The following ANK3 variants were observed in gnomAD, a reference collection of about 807,000 sequenced individuals.
ANK3 encodes the protein ankyrin 3.
In ANK3, 57 loss-of-function variants were observed where a neutral mutation model predicts 370.9. The observed-to-expected ratio is 0.15, with a 90% CI of 0.12 to 0.19. The LOEUF (loss-of-function observed/expected upper bound fraction) is 0.19. Ranked by LOEUF, ANK3 falls within the 10% of genes least tolerant of loss-of-function variation. The pLI is 1.00. For missense variants in ANK3, 4,439 were observed against 5,302.1 expected (o/e 0.84, Z 5.06); for synonymous variants, 1,929 against 1,946.3 (o/e 0.99, Z 0.23).
At position 60,666,301 on chromosome 10, in the gene ANK3, AAAG is replaced by A. The variant is rs2078995078; in HGVS notation, c.58-51080_58-51078del. Among the ~76,000 whole-genome samples, 3 of 152,358 alleles carry A rather than the reference AAAG, an allele frequency of 2.0e-5. No individual in the cohort carries two copies. The East Asian group carries it at 5.8e-4, about 29-fold the overall frequency. On this transcript the variant is annotated intron_variant, in intron 1 of 43. Transcript: ENST00000373827. The stretch of plus-strand genomic sequence containing the variant: ...GTAAAGTGAAATAAGCCAGTCACAA[AAAG>A]ACAAATACTGTATGACTCCACTTAT...
chr10:60,668,962 C>T (rs949982620), intron 1 of ANK3, among the ~76,000 whole-genome samples: 1 of 151,824 alleles, frequency 6.6e-6, no homozygotes. Context: ...CACTGCACTC[C>T]AGCCTGGGTG....
At chr10:60,093,447 T>C (rs2089238731) in intron 28 of ANK3, among the ~76,000 whole-genome samples, 1 of 152,224 alleles carries the variant, frequency 6.6e-6, no homozygotes, top group Non-Finnish European at 1.5e-5. Flanking sequence ...ACAAGCTGTG[T>C]ATCCTGTGAG....
At chr10:60,153,936 C>T (rs1229337859) in intron 23 of ANK3, among the ~76,000 whole-genome samples, 1 of 152,196 alleles carries the variant, frequency 6.6e-6, no homozygotes, top group African/African-American at 2.4e-5. Context: ...ACCTGCTAAA[C>T]TATCCCTTGA....
At chr10:60,064,358 C>T in intron 38 of ANK3, 70 bp from the exon 39 acceptor site, 4 of 1,431,002 alleles carry the variant, frequency 2.8e-6, no homozygotes, top group Non-Finnish European at 3.7e-6. Context: ...AAAAGTAATG[C>T]TCAATTGCCA....
chr10:60,512,603 C>T (rs2076115352), intron 2 of ANK3, among the ~76,000 whole-genome samples: 1 of 152,092 alleles, frequency 6.6e-6, no homozygotes, highest in Admixed American at 6.6e-5. Context: ...CTATCAATTT[C>T]CTGGCTTCAG....
intron 1 of ANK3, among the ~76,000 whole-genome samples, chr10:60,307,888 G>C (rs1419086572): frequency 6.6e-6 from 1 of 152,128 alleles, no homozygotes; most frequent in Non-Finnish European, 1.5e-5. Flanking sequence ...TATATAATTT[G>C]CTCTGTTCAA....
At chr10:60,430,590 T>G (rs2063995372) in intron 2 of ANK3, among the ~76,000 whole-genome samples, 2 of 152,232 alleles carry the variant, frequency 1.3e-5, no homozygotes, top group African/African-American at 2.4e-5. Flanking sequence ...CAGAGCTGAA[T>G]GATTTGTCCC....
intron 1 of ANK3, among the ~76,000 whole-genome samples, chr10:60,338,139 A>G (rs1038758756): frequency 7.0e-4 from 107 of 152,244 alleles, no homozygotes; most frequent in African/African-American, 2.5e-3. Flanking sequence ...ACTTCTCTGC[A>G]CTCTGAGGTT....
In ANK3 at chr10:60,074,729, T is replaced by A; in HGVS notation, c.6152A>T (p.Tyr2051Phe). The A allele has an allele frequency of 6.2e-7, 1 of 1,613,942 alleles. No homozygotes were observed. Among genetic ancestry groups the A allele is most frequent in the Non-Finnish European group, 8.5e-7 (1 of 1,179,968 alleles). ...ATCCTTCTTTGCATCCTCAAACTTG[T>A]ATTTTAAGTTTGTCAGTGAACTACT... Reference protein sequence around the residue: ...IGSSSLTNLKYKFEDAKKDGE... With the variant: ...IGSSSLTNLKFKFEDAKKDGE... Residue 2051 changes from tyrosine to phenylalanine, a missense_variant, in exon 37 of 44, where the codon TAC becomes TTC. By Grantham distance (22) the Tyr-to-Phe change is conservative. This residue lies in a region of ANK3 where 679 missense variants were observed against 791.0 expected (regional missense o/e 0.86). Coordinates refer to ENST00000280772, the MANE Select transcript of ANK3 (RefSeq NM_020987.5).
intron 1 of ANK3, among the ~76,000 whole-genome samples, chr10:60,386,290 A>C (rs536180543): frequency 6.6e-6 from 1 of 152,206 alleles, no homozygotes; most frequent in East Asian, 1.9e-4. Context: ...GGGCAGTGGG[A>C]AAGTATGGCT....
chr10:60,277,392 T>C (rs920770057), intron 4 of ANK3, among the ~76,000 whole-genome samples: 9 of 152,206 alleles, frequency 5.9e-5, no homozygotes, highest in Admixed American at 5.9e-4. Flanking sequence ...GCTTATATGA[T>C]TTAATAAAAT....
intron 13 of ANK3, among the ~76,000 whole-genome samples, chr10:60,199,262 T>C (rs1392724809): frequency 2.6e-5 from 4 of 152,102 alleles, no homozygotes; most frequent in African/African-American, 9.7e-5. Context: ...TGAATTGTGA[T>C]AAGGTTCAGG....
Position 60,173,185 on chromosome 10 carries a change from A to G in ANK3, c.2186T>C (p.Met729Thr). The change falls in exon 19 of 44, where the codon ATG (methionine) becomes ACG (threonine). Residue 729 changes from methionine (M) to threonine (T), a missense_variant and splice_region_variant. Physicochemically the swap from Met to Thr is moderately conservative, Grantham distance 81. Around this residue, in one of 13 missense-constraint regions of ANK3, gnomAD observed 702 missense variants for 941.5 expected, o/e 0.75. Coordinates refer to ENST00000280772, the MANE Select transcript of ANK3 (RefSeq NM_020987.5). ...QGAHVDAQTK[M>T]GYTPLHVGCH... ...GCCCACATGCAGTGGTGTGTATCCC[A>G]TCTGTAATTATTATTTTTTTAAAAA... 6.3e-7 allele frequency: 1 copy of G among 1,599,158 alleles called. No individual in the cohort carries two copies. Among genetic ancestry groups the G allele is most frequent in the South Asian group, 1.1e-5 (1 of 88,066 alleles).
rs145255506 is a variant in ANK3, at chr10:60,282,506, GCACACA to G, written c.115-2873_115-2868del. On this transcript the variant is annotated intron_variant, in intron 1 of 43. Coordinates refer to ENST00000280772, the MANE Select transcript of ANK3 (RefSeq NM_020987.5). ...AATAAATTATCTTCCTTCAACAATTGCACACACACACACACACCAAATCTACATCTG... is the reference window on the plus strand; with the variant it reads ...AATAAATTATCTTCCTTCAACAATTGCACACACACACCAAATCTACATCTG... Among the ~76,000 whole-genome samples the G allele has an allele frequency of 4.0e-5, 6 of 150,454 alleles. No homozygotes were observed. The East Asian group carries it at 5.8e-4, about 15-fold the overall frequency.
intron 1 of ANK3, among the ~76,000 whole-genome samples, chr10:60,308,222 TAAGACA>T (rs551702271): frequency 6.6e-6 from 1 of 150,936 alleles, no homozygotes; most frequent in East Asian, 2.0e-4. Context: ...AGATAACAGA[TAAGACA>T]AAGGATAAAA....
At chr10:60,108,233 A>C (rs1372555177) in intron 27 of ANK3, 3 of 448,182 alleles carry the variant, frequency 6.7e-6, no homozygotes, top group Non-Finnish European at 1.3e-5. Flanking sequence ...GATTCGGCTA[A>C]CCAAGCTCTC....
chr10:60,108,852 G>C lies in ANK3; in HGVS notation c.3151C>G (p.Pro1051Ala). ...TACCCTAAAAATTGTGCCCCTGCAG[G>C]ACCCATTTCTACCAGCCTACTGGCT... is the stretch of plus-strand genomic sequence containing the variant. Reference protein sequence around the residue: ...GLASRLVEMGPAGAQFLGPVI... With the variant: ...GLASRLVEMGAAGAQFLGPVI... The change falls in exon 27 of 44, where the codon CCT becomes GCT. Residue 1051 changes from proline (P) to alanine (A), a missense_variant. Physicochemically the swap from Pro to Ala is conservative, Grantham distance 27. Coordinates refer to ENST00000280772, the MANE Select transcript of ANK3 (RefSeq NM_020987.5). The C allele has an allele frequency of 6.2e-7, 1 of 1,614,026 alleles. No individual in the cohort carries two copies. The highest frequency in any genetic ancestry group is 1.7e-5 in the Admixed American group (1 of 60,016).
At chr10:60,178,582 T>A (rs1020601340) in intron 18 of ANK3, among the ~76,000 whole-genome samples, 9 of 152,232 alleles carry the variant, frequency 5.9e-5, no homozygotes, top group Non-Finnish European at 1.0e-4. Context: ...CTCTCTAAAC[T>A]ATGAATTCTA....
chr10:60,615,689 A>T (rs2078259057), intron 1 of ANK3, among the ~76,000 whole-genome samples: 1 of 152,210 alleles, frequency 6.6e-6, no homozygotes, highest in Non-Finnish European at 1.5e-5. Context: ...TTTCTCCCAA[A>T]CTTCATTACT....
Sources: gnomAD v4.1 joint callset for allele counts (sites outside exome capture counted in the v4.1 genomes callset) on GRCh38, gnomAD v4.1.1 for gene constraint, gnomAD v4.1.1 regional missense constraint, MANE v1.5 for transcripts, NCBI Gene and HGNC (gene_info 2026-07-23, HGNC 2026-07-21) for gene names.